Variants in CYTH3 observed in about 807,000 individuals in gnomAD.
The protein encoded by CYTH3 is cytohesin-3.
CYTH3 carries 23 observed loss-of-function variants against 55.1 expected under a neutral mutation model. That is an observed-to-expected ratio of 0.42 (90% CI 0.30 to 0.59). CYTH3 has a LOEUF of 0.59. CYTH3 is among the 20% of genes least tolerant of loss of function. The pLI is 0.20. For missense variants in CYTH3, 413 were observed against 524.8 expected (o/e 0.79, Z 2.08); for synonymous variants, 249 against 194.9 (o/e 1.28, Z -2.31).
intron 1 of CYTH3, among the ~76,000 whole-genome samples, chr7:6,267,590 C>T (rs953846947): frequency 1.3e-5 from 2 of 152,224 alleles, no homozygotes; most frequent in African/African-American, 4.8e-5. Flanking sequence ...GTGGCGCTAT[C>T]TCGGCTCATT....
At chr7:6,191,904 C>A (rs773469672) in intron 1 of CYTH3, among the ~76,000 whole-genome samples, 54 of 151,776 alleles carry the variant, frequency 3.6e-4, no homozygotes, top group South Asian at 3.1e-3. Flanking sequence ...CAGTGGGACC[C>A]CCATCTGAAC....
intron 1 of CYTH3, among the ~76,000 whole-genome samples, chr7:6,265,613 C>T (rs1267554840): frequency 7.5e-6 from 1 of 133,906 alleles, no homozygotes; most frequent in Non-Finnish European, 1.6e-5. Context: ...AGCAAGACTC[C>T]ATTTCAAAAA....
chr7:6,206,292 C>A (rs972736781), intron 1 of CYTH3, among the ~76,000 whole-genome samples: 2 of 152,204 alleles, frequency 1.3e-5, no homozygotes, highest in African/African-American at 4.8e-5. Flanking sequence ...AGTACTGGCA[C>A]ATGCTACAAC....
chr7:6,272,265 G>T (rs547122475), intron 1 of CYTH3, among the ~76,000 whole-genome samples: 1 of 150,760 alleles, frequency 6.6e-6, no homozygotes, highest in South Asian at 2.1e-4. Context: ...AGCGCCGAAC[G>T]GCGACCCCGG....
chr7:6,222,319 T>A (rs1239310296), intron 1 of CYTH3, among the ~76,000 whole-genome samples: 1 of 152,196 alleles, frequency 6.6e-6, no homozygotes, highest in Non-Finnish European at 1.5e-5. Context: ...CCTAACTCTG[T>A]CTCTGTTCTC....
chr7:6,204,919 C>T (rs984513762), intron 1 of CYTH3, among the ~76,000 whole-genome samples: 1 of 151,990 alleles, frequency 6.6e-6, no homozygotes, highest in African/African-American at 2.4e-5. Context: ...AATTCCAGAG[C>T]TTTGGGAGGC....
intron 1 of CYTH3, among the ~76,000 whole-genome samples, chr7:6,270,051 G>C (rs1245545832): frequency 6.6e-6 from 1 of 152,002 alleles, no homozygotes; most frequent in Non-Finnish European, 1.5e-5. Context: ...CAGCTGAAAC[G>C]GTTTTCTTTA....
rs901360313 is a variant in CYTH3, at chr7:6,169,207, G to A, written c.823+1328C>T. Among the ~76,000 whole-genome samples the A allele has an allele frequency of 2.0e-5, 3 of 152,300 alleles. No homozygotes were observed. The highest frequency in any genetic ancestry group is 2.0e-4 in the Admixed American group (3 of 15,294). On this transcript the variant is annotated intron_variant, in intron 9 of 12. Coordinates refer to ENST00000350796, the MANE Select transcript of CYTH3 (RefSeq NM_004227.4). This position sits in a 1 kb window ranked among gnomAD's most constrained non-coding sequence, Gnocchi z 4.1. The stretch of plus-strand genomic sequence containing the variant: ...TGAGGAGGCCTGTGCCCGTCACACC[G>A]TGTCTCACCCTTCCTTGATGTTTAT...
intron 4 of CYTH3, 89 bp downstream of exon 4, chr7:6,186,961 C>T: frequency 7.5e-7 from 1 of 1,329,740 alleles, no homozygotes. Context: ...CAGGGCGGAC[C>T]ACCTCTGACC....
At chr7:6,225,215 A>ATG (rs1209290890) in intron 1 of CYTH3, among the ~76,000 whole-genome samples, 2 of 152,332 alleles carry the variant, frequency 1.3e-5, no homozygotes, top group East Asian at 3.9e-4. Context: ...AATATTATAT[A>ATG]TATCATATTG....
At chr7:6,262,414 C>G (rs968415585) in intron 1 of CYTH3, among the ~76,000 whole-genome samples, 2 of 152,156 alleles carry the variant, frequency 1.3e-5, no homozygotes, top group Non-Finnish European at 2.9e-5. Context: ...TCTGGACACA[C>G]CACATAACAG....
chr7:6,225,342 G>C (rs886599920), intron 1 of CYTH3, among the ~76,000 whole-genome samples: 3 of 151,534 alleles, frequency 2.0e-5, no homozygotes, highest in Non-Finnish European at 4.4e-5. Flanking sequence ...ACATTAAGAT[G>C]AAGGAAAAAA....
intron 1 of CYTH3, among the ~76,000 whole-genome samples, chr7:6,196,108 T>C (rs116842832): frequency 0.013 from 2,012 of 152,276 alleles, 25 homozygotes; most frequent in Middle Eastern, 0.061. Flanking sequence ...CCTATGTCTC[T>C]CTCAAGAGTG....
At chr7:6,175,793 C>T (rs564734982) in intron 5 of CYTH3, among the ~76,000 whole-genome samples, 1 of 152,148 alleles carries the variant, frequency 6.6e-6, no homozygotes, top group East Asian at 1.9e-4. Flanking sequence ...GTGATCTGCC[C>T]GTCTCAGCCT....
chr7:6,258,251 C>T (rs1012209381), intron 1 of CYTH3, among the ~76,000 whole-genome samples: 7 of 149,856 alleles, frequency 4.7e-5, no homozygotes, highest in Admixed American at 3.3e-4. Context: ...AGGTTGAGAC[C>T]GCAAAGAGCC....
chr7:6,187,752 A>C, intron 2 of CYTH3, 31 bp from the exon 3 acceptor site: 1 of 1,596,656 alleles, frequency 6.3e-7, no homozygotes. Flanking sequence ...CGAGGTGGGG[A>C]GTGGGTCTTA....
intron 1 of CYTH3, among the ~76,000 whole-genome samples, chr7:6,251,275 CA>C (rs1037896351): frequency 6.8e-6 from 1 of 146,904 alleles, no homozygotes; most frequent in South Asian, 2.1e-4. Flanking sequence ...AACACCGTCT[CA>C]AAAAAAATAA....
intron 5 of CYTH3, among the ~76,000 whole-genome samples, chr7:6,176,279 T>TTTTTTTTTTTTTTA (rs1491230237): frequency 6.8e-6 from 1 of 146,494 alleles, no homozygotes. Flanking sequence ...TTTTTTTTTT[T>TTTTTTTTTTTTTTA]GAGCCAGAGT....
chr7:6,272,257 C>A (rs1019552704), intron 1 of CYTH3, among the ~76,000 whole-genome samples: 1 of 151,542 alleles, frequency 6.6e-6, no homozygotes, highest in African/African-American at 2.4e-5. Context: ...CCCTCGCCAG[C>A]GCCGAACGGC....
Sources: gnomAD v4.1 joint callset for allele counts (sites outside exome capture counted in the v4.1 genomes callset) on GRCh38, gnomAD v4.1.1 for gene constraint, Gnocchi (gnomAD v3.1) non-coding constraint, MANE v1.5 for transcripts, NCBI Gene and HGNC (gene_info 2026-07-23, HGNC 2026-07-21) for gene names.